RIPOR2: variants seen among roughly 807,000 people sequenced by gnomAD.
RIPOR2 encodes the protein rho family-interacting cell polarization regulator 2.
RIPOR2 carries 39 observed loss-of-function variants against 114.5 expected under a neutral mutation model. The observed-to-expected ratio is 0.34, with a 90% CI of 0.26 to 0.44. The LOEUF is 0.44. Among genes scored for constraint, RIPOR2 ranks in the 20% least tolerant of loss-of-function variants. The pLI, the probability that RIPOR2 is intolerant of heterozygous loss-of-function variation, is 1.00. For missense variants in RIPOR2, 1,007 were observed against 1,255.1 expected, an observed-to-expected ratio of 0.80 and a Z score of 2.99; for synonymous variants, 445 against 484.4, an observed-to-expected ratio of 0.92 and a Z score of 1.07.
At chr6:24,900,188 T>C (rs1369126562) in intron 1 of RIPOR2, among the ~76,000 whole-genome samples, 2 of 152,210 alleles carry the variant, frequency 1.3e-5, no homozygotes. Context: ...CTGTGGGAAC[T>C]GTGGCTCTGA....
At chr6:24,865,500 A>AATACATAGAT in intron 6 of RIPOR2, 50 bp from the exon 7 acceptor site, 2 of 1,470,102 alleles carry the variant, frequency 1.4e-6, no homozygotes, top group Non-Finnish European at 1.9e-6. Context: ...CTTGAAAGAA[A>AATACATAGAT]ATACATAGAT....
At chr6:24,936,768 A>G (rs982053915), upstream of RIPOR2, among the ~76,000 whole-genome samples, 4 of 152,164 alleles carry the variant, frequency 2.6e-5, no homozygotes, top group African/African-American at 7.2e-5. Flanking sequence ...CTGCACAAAC[A>G]AACACACATC....
chr6:25,024,282 T>C lies in RIPOR2; in HGVS notation c.76+17569A>G. On this transcript the variant is annotated intron_variant, in intron 1 of 13. Transcript: ENST00000510784. ...CGGCCAGATGAACTCTTCCACAAAC[T>C]CCCTGATGACATCCTCAATGAACAC... is the stretch of plus-strand genomic sequence containing the variant. The C allele has an allele frequency of 2.0e-6, 3 of 1,535,694 alleles. No individual in the cohort carries two copies. In the South Asian group the frequency reaches 3.4e-5, roughly 17 times the overall value.
In RIPOR2 at chr6:25,024,293, A is replaced by G; in HGVS notation, c.76+17558T>C. The G allele has an allele frequency of 8.5e-6, 13 of 1,529,164 alleles. No individual in the cohort carries two copies. In the South Asian group the frequency reaches 1.3e-4, roughly 16 times the overall value. The allele number at this position is 1,529,164 out of a possible 1,614,324, so 94.7% of individuals were successfully genotyped here. ...ACTCTTCCACAAACTCCCTGATGACATCCTCAATGAACACCTTTTTGGCCC... is the reference window on the plus strand; with the variant it reads ...ACTCTTCCACAAACTCCCTGATGACGTCCTCAATGAACACCTTTTTGGCCC... On this transcript the variant is annotated intron_variant, in intron 1 of 13. Coordinates refer to the RIPOR2 transcript ENST00000510784.
In RIPOR2 at chr6:25,000,088, C is replaced by T. The variant is rs147644996; in HGVS notation, c.76+41763G>A. Among the ~76,000 whole-genome samples, 96 of 152,316 alleles carry T rather than the reference C, an allele frequency of 6.3e-4. No individual in the cohort carries two copies. In the Middle Eastern group the frequency reaches 0.014, roughly 22 times the overall value. ...CAGCCACCCAGGGCCATTTGCATATCCCCAATACCATGGTCTCTCTCAAGT... is the reference window on the plus strand; with the variant it reads ...CAGCCACCCAGGGCCATTTGCATATTCCCAATACCATGGTCTCTCTCAAGT... On this transcript the variant is annotated intron_variant, in intron 1 of 13. Coordinates refer to the RIPOR2 transcript ENST00000510784.
At chr6:24,870,667 T>A (rs1187508473) in intron 5 of RIPOR2, among the ~76,000 whole-genome samples, 199 bp downstream of exon 5, 1 of 152,118 alleles carries the variant, frequency 6.6e-6, no homozygotes, top group African/African-American at 2.4e-5. Context: ...CTACCATGCC[T>A]GGATAATGTT....
chr6:24,870,747 C>T (rs937356182), intron 5 of RIPOR2, 119 bp downstream of exon 5: 1 of 680,714 alleles, frequency 1.5e-6, no homozygotes, highest in South Asian at 1.8e-5. Flanking sequence ...CTCCTAAGCT[C>T]AAGTGATCCA....
At chr6:24,952,233 C>T (rs1772810866) in intron 1 of RIPOR2, among the ~76,000 whole-genome samples, 2 of 152,208 alleles carry the variant, frequency 1.3e-5, no homozygotes, top group Admixed American at 6.5e-5. Context: ...ACCTAGCCAA[C>T]ATCCTCTGCC....
At chr6:24,879,393 T>TA (rs747138957) in intron 1 of RIPOR2, among the ~76,000 whole-genome samples, 12 of 152,222 alleles carry the variant, frequency 7.9e-5, no homozygotes, top group Non-Finnish European at 1.5e-4. Flanking sequence ...ATGGAACTGA[T>TA]GGCCACTAGG....
rs146865478 is a variant in RIPOR2, at chr6:25,021,891, T to G, written c.76+19960A>C. ...GGAGTTTGTCTATAGTCTGAGTCAGTGAGAGACCAGATTGAAATCCACCCT... is the reference window on the plus strand; with the variant it reads ...GGAGTTTGTCTATAGTCTGAGTCAGGGAGAGACCAGATTGAAATCCACCCT... On this transcript the variant is annotated intron_variant, in intron 1 of 13. Coordinates refer to the RIPOR2 transcript ENST00000510784. 1.1e-3 allele frequency among the ~76,000 whole-genome samples: 167 copies of G among 152,338 alleles called. 3 individuals are homozygous for G. The East Asian group carries it at 0.017, about 16-fold the overall frequency.
chr6:24,999,486 A>G (rs1775198181), intron 1 of RIPOR2, among the ~76,000 whole-genome samples: 1 of 151,622 alleles, frequency 6.6e-6, no homozygotes, highest in African/African-American at 2.4e-5. Context: ...CTACAACCAC[A>G]TTCCCTTCTC....
chr6:25,003,420 TATTATC>T (rs1290440013), intron 1 of RIPOR2, among the ~76,000 whole-genome samples: 2 of 130,552 alleles, frequency 1.5e-5, no homozygotes, highest in African/African-American at 5.4e-5. Flanking sequence ...TTATTATTAT[TATTATC>T]ATCTCCTTTT....
intron 1 of RIPOR2, chr6:25,015,179 T>C (rs1299692433): frequency 2.0e-5 from 3 of 152,248 alleles, no homozygotes; most frequent in Admixed American, 6.5e-5. Flanking sequence ...TCATCATTCA[T>C]GTGAGCCAAG....
intron 19 of RIPOR2, among the ~76,000 whole-genome samples, chr6:24,822,647 T>A (rs2113655144): frequency 6.6e-6 from 1 of 152,250 alleles, no homozygotes; most frequent in South Asian, 2.1e-4. Flanking sequence ...GCCTCCCGAG[T>A]AGCTGGGACT....
intron 1 of RIPOR2, among the ~76,000 whole-genome samples, chr6:25,025,303 A>G (rs1304533765): frequency 6.6e-6 from 1 of 152,198 alleles, no homozygotes; most frequent in Non-Finnish European, 1.5e-5. Flanking sequence ...ATTCTTCCAC[A>G]CAAATTCTAA....
intron 1 of RIPOR2, among the ~76,000 whole-genome samples, chr6:24,983,756 C>CAAAAAAAAAA (rs34480037): frequency 2.1e-5 from 1 of 47,184 alleles, no homozygotes; most frequent in African/African-American, 1.0e-4. Flanking sequence ...GACTGTGTCT[C>CAAAAAAAAAA]AAAAAAAAAA....
chr6:24,995,402 G>A (rs62401116), intron 1 of RIPOR2, among the ~76,000 whole-genome samples: 43,034 of 152,160 alleles, frequency 0.28, 7,501 homozygotes, highest in Non-Finnish European at 0.39. Context: ...ATTCCTGGGT[G>A]GCATCACTGG....
At chr6:24,840,253 A>C in intron 13 of RIPOR2, 1 of 1,017,036 alleles carries the variant, frequency 9.8e-7, no homozygotes, top group Non-Finnish European at 1.2e-6. Flanking sequence ...CACAGCATAT[A>C]ATTTTTCCTC....
chr6:25,023,688 C>T (rs116527380), intron 1 of RIPOR2: 10,854 of 763,816 alleles, frequency 0.014, 100 homozygotes, highest in Non-Finnish European at 0.019. Flanking sequence ...CGGTTCTCCA[C>T]GATGTCAGTA....
Sources: gnomAD v4.1 joint callset for allele counts (sites outside exome capture counted in the v4.1 genomes callset) on GRCh38, gnomAD v4.1.1 for gene constraint, MANE v1.5 for transcripts, NCBI Gene and HGNC (gene_info 2026-07-23, HGNC 2026-07-21) for gene names.